Variants in ADAMTS17 observed in about 807,000 individuals in gnomAD.
ADAMTS17 encodes the protein ADAM metallopeptidase with thrombospondin type 1 motif 17.
A neutral mutation model predicts 141.5 loss-of-function variants in ADAMTS17; 113 were observed. The ratio of observed to expected loss-of-function variants is 0.80; its 90% CI spans 0.69 to 0.93. The LOEUF is 0.93. Ranked by LOEUF, ADAMTS17 falls within the 40% of genes least tolerant of loss-of-function variation. ADAMTS17 has a pLI of 0.00. For synonymous variants in ADAMTS17, 768 were observed against 630.6 expected (o/e 1.22, Z -3.27); for missense variants, 1,659 against 1,517.9 (o/e 1.09, Z -1.54).
intron 15 of ADAMTS17, chr15:100,063,741 A>G: frequency 7.8e-7 from 1 of 1,290,078 alleles, no homozygotes; most frequent in Non-Finnish European, 1.0e-6. Context: ...AGCAGGAATG[A>G]CGGCAGCTTC....
chr15:100,271,243 G>A (rs1596407755), intron 4 of ADAMTS17, among the ~76,000 whole-genome samples: 1 of 152,074 alleles, frequency 6.6e-6, no homozygotes, highest in African/African-American at 2.4e-5. Flanking sequence ...CCTGCTTTGG[G>A]ATAAACATTT....
chr15:100,089,223 A>G (rs1426568900), intron 15 of ADAMTS17, among the ~76,000 whole-genome samples: 3 of 142,614 alleles, frequency 2.1e-5, no homozygotes, highest in Non-Finnish European at 4.5e-5. Context: ...CAGCCAAAAA[A>G]CACATGAAAA....
In ADAMTS17 at chr15:99,974,133, C is replaced by A. The variant is rs529779242; in HGVS notation, c.*269G>T. On this transcript the variant is annotated 3_prime_UTR_variant, in exon 22 of 22. Transcript: ENST00000268070. The stretch of plus-strand genomic sequence containing the variant: ...TCTTGACGGTTGTCTGCCAGAGGTG[C>A]TTCCCTTCGAGGTACCTGAAATCCT... The A allele has an allele frequency of 1.5e-5, 8 of 527,746 alleles. No homozygotes were observed. The South Asian group carries it at 1.6e-4, about 11-fold the overall frequency. The allele number at this position is 527,746 out of a possible 1,614,324, so 32.7% of individuals were successfully genotyped here.
intron 15 of ADAMTS17, among the ~76,000 whole-genome samples, chr15:100,080,908 A>C (rs1486401506): frequency 6.6e-6 from 1 of 152,112 alleles, no homozygotes; most frequent in African/African-American, 2.4e-5. Context: ...TATTGTCTTT[A>C]TTTGAAGACT....
intron 14 of ADAMTS17, among the ~76,000 whole-genome samples, chr15:100,100,621 G>T (rs1382730131): frequency 6.6e-6 from 1 of 151,840 alleles, no homozygotes; most frequent in African/African-American, 2.4e-5. Flanking sequence ...GTGAGCTTGG[G>T]TTTTTTGTGC....
intron 8 of ADAMTS17, among the ~76,000 whole-genome samples, chr15:100,167,813 T>A (rs144309067): frequency 7.9e-4 from 120 of 152,352 alleles, no homozygotes; most frequent in African/African-American, 2.8e-3. Context: ...TAGAGGACGA[T>A]AATTTATGCA....
rs752366744 is a variant in ADAMTS17 at position 99,976,163 on chromosome 15, G to A, written c.3009C>T (p.Val1003=). The A allele has an allele frequency of 2.6e-5, 40 of 1,550,474 alleles. No homozygotes were observed. The East Asian group carries it at 7.6e-4, about 29-fold the overall frequency. The part of the protein sequence containing the change: ...QSRVVQCMHK[V]TGRHGSECPA... ...GGCACTCGCTGCCGTGGCGCCCTGT[G>A]ACCTTGTGCATGCACTGCACCACCC... is the stretch of plus-strand genomic sequence containing the variant. Residue 1003 remains valine (V), a synonymous_variant, in exon 21 of 22, where the codon GTC becomes GTT. Transcript: ENST00000268070.
At position 100,257,337 on chromosome 15, in the gene ADAMTS17, C is replaced by G. The variant is rs2043360529; in HGVS notation, c.1032-3158G>C. On this transcript the variant is annotated intron_variant, in intron 6 of 21. Transcript: ENST00000268070. ...ATTATACAAGGCTTCCTGGCCAACT[C>G]AGCTTCCTGCCCGACTCCACTGCGG... Among the ~76,000 whole-genome samples, 3 of 152,240 alleles carry G rather than the reference C, an allele frequency of 2.0e-5. 1 individual carries two copies. Among genetic ancestry groups the G allele is most frequent in the Admixed American group, 6.5e-5 (1 of 15,292 alleles).
chr15:100,036,478 G>A (rs2030725940), intron 18 of ADAMTS17, among the ~76,000 whole-genome samples: 1 of 152,220 alleles, frequency 6.6e-6, no homozygotes. Flanking sequence ...CAAGTCCCGA[G>A]ATATCGTGAG....
intron 4 of ADAMTS17, among the ~76,000 whole-genome samples, chr15:100,279,169 A>G (rs976560695): frequency 5.9e-5 from 9 of 152,116 alleles, no homozygotes; most frequent in African/African-American, 2.2e-4. Context: ...ACATCCACAC[A>G]TGGGCAAAGA....
At chr15:100,296,790 C>T (rs989484899) in intron 3 of ADAMTS17, among the ~76,000 whole-genome samples, 8 of 152,146 alleles carry the variant, frequency 5.3e-5, no homozygotes, top group Non-Finnish European at 7.3e-5. Flanking sequence ...ACCTTCCTAT[C>T]CATGGTTACA....
At chr15:100,051,541 A>G (rs1194103614) in intron 17 of ADAMTS17, 31 bp downstream of exon 17, 2 of 1,612,026 alleles carry the variant, frequency 1.2e-6, no homozygotes, top group Non-Finnish European at 1.7e-6. Context: ...AAAACCCCAC[A>G]CCCAACAGGT....
intron 16 of ADAMTS17, among the ~76,000 whole-genome samples, chr15:100,052,868 C>G (rs1464430012): frequency 6.6e-6 from 1 of 152,208 alleles, no homozygotes; most frequent in Non-Finnish European, 1.5e-5. Flanking sequence ...ACTGCCTTAC[C>G]TTTGTCTCCC....
intron 6 of ADAMTS17, chr15:100,256,673 A>G (rs1057434170): frequency 1.3e-5 from 2 of 152,540 alleles, no homozygotes; most frequent in Non-Finnish European, 2.9e-5. Flanking sequence ...GGCCAGAGGG[A>G]TCCTGGTGGT....
chr15:100,102,654 T>C (rs892349901), intron 14 of ADAMTS17, among the ~76,000 whole-genome samples: 1 of 152,208 alleles, frequency 6.6e-6, no homozygotes, highest in Non-Finnish European at 1.5e-5. Context: ...CACTGCTGCA[T>C]GGTAGGTTTC....
At chr15:100,252,512 G>A (rs918829185) in intron 7 of ADAMTS17, among the ~76,000 whole-genome samples, 3 of 152,294 alleles carry the variant, frequency 2.0e-5, no homozygotes, top group Non-Finnish European at 2.9e-5. Flanking sequence ...ACGGAGCAGA[G>A]GCGCCCCGGA....
chr15:99,994,702 G>A (rs1055449819), intron 19 of ADAMTS17, among the ~76,000 whole-genome samples: 1 of 152,180 alleles, frequency 6.6e-6, no homozygotes. Context: ...GAGTAGCTGG[G>A]ATTACAGGCG....
Position 100,012,487 on chromosome 15 carries a change from C to T in ADAMTS17, c.2592-14898G>A, listed in dbSNP as rs137909138. 5.5e-3 allele frequency among the ~76,000 whole-genome samples: 842 copies of T among 152,168 alleles called. 24 individuals carry two copies. The highest frequency in any genetic ancestry group is 0.037 in the Admixed American group (570 of 15,288). On this transcript the variant is annotated intron_variant, in intron 18 of 21. Transcript: ENST00000268070. ...CCAATTTCTAGAAGGGTTTTTCCAACGTTATCTTCTAGAATTTTTATAGTT... is the reference window on the plus strand; with the variant it reads ...CCAATTTCTAGAAGGGTTTTTCCAATGTTATCTTCTAGAATTTTTATAGTT...
intron 20 of ADAMTS17, among the ~76,000 whole-genome samples, chr15:99,988,235 G>A (rs2060628495): frequency 6.6e-6 from 1 of 152,072 alleles, no homozygotes; most frequent in Non-Finnish European, 1.5e-5. Flanking sequence ...CTGGGTCACG[G>A]GCACGAGTCC....
Sources: gnomAD v4.1 joint callset for allele counts (sites outside exome capture counted in the v4.1 genomes callset) on GRCh38, gnomAD v4.1.1 for gene constraint, MANE v1.5 for transcripts, NCBI Gene and HGNC (gene_info 2026-07-23, HGNC 2026-07-21) for gene names.